The following DOCK3 variants were observed in gnomAD, a reference collection of about 807,000 sequenced individuals.
DOCK3 encodes the protein dedicator of cytokinesis protein 3.
A neutral mutation model predicts 265.6 loss-of-function variants in DOCK3; 60 were observed. The ratio of observed to expected loss-of-function variants is 0.23; its 90% CI spans 0.18 to 0.28. The LOEUF is 0.28. DOCK3 is among the 10% of genes least tolerant of loss of function. DOCK3 has a pLI of 1.00. For missense variants in DOCK3, 1,981 were observed against 2,594.3 expected (o/e 0.76, Z 5.14); for synonymous variants, 881 against 938.0 (o/e 0.94, Z 1.11).
Position 51,057,701 on chromosome 3 carries a change from G to A in DOCK3, c.316-6747G>A, listed in dbSNP as rs114043051. Among the ~76,000 whole-genome samples the A allele has an allele frequency of 2.3e-3, 351 of 152,274 alleles. 2 individuals carry two copies. The highest frequency in any genetic ancestry group is 8.0e-3 in the African/African-American group (334 of 41,544). On this transcript the variant is annotated intron_variant, in intron 5 of 52. Coordinates refer to ENST00000266037, the MANE Select transcript of DOCK3 (RefSeq NM_004947.5). ...GCTAACAAGCCCAAGAACACAGTGC[G>A]GTGTCGGAGCAATGTTGGTGGAGCC...
intron 5 of DOCK3, among the ~76,000 whole-genome samples, chr3:50,937,884 T>C (rs1366122868): frequency 6.6e-6 from 1 of 151,828 alleles, no homozygotes; most frequent in African/African-American, 2.4e-5. Flanking sequence ...AATACCAAAA[T>C]GGCAGACTTA....
intron 47 of DOCK3, among the ~76,000 whole-genome samples, chr3:51,360,900 TAGG>T (rs920543637): frequency 1.3e-5 from 2 of 152,034 alleles, no homozygotes; most frequent in Non-Finnish European, 2.9e-5. Context: ...TGCTAGGGGT[TAGG>T]AGGGTGATAG....
chr3:50,882,660 C>G (rs778190347), intron 3 of DOCK3, among the ~76,000 whole-genome samples: 33 of 152,206 alleles, frequency 2.2e-4, no homozygotes, highest in Non-Finnish European at 3.5e-4. Flanking sequence ...CACTTTTACA[C>G]TGTTGGTGGG....
intron 37 of DOCK3, 78 bp from the exon 38 acceptor site, chr3:51,341,157 CAT>C: frequency 6.8e-7 from 1 of 1,476,848 alleles, no homozygotes; most frequent in Non-Finnish European, 9.0e-7. Flanking sequence ...TTCTGCCCAG[CAT>C]AGTCCTCTGA....
At chr3:50,751,330 G>T (rs1340673460) in intron 1 of DOCK3, among the ~76,000 whole-genome samples, 1 of 151,186 alleles carries the variant, frequency 6.6e-6, no homozygotes, top group Non-Finnish European at 1.5e-5. Context: ...AGGTATACAT[G>T]TGCCATGGTG....
intron 9 of DOCK3, among the ~76,000 whole-genome samples, chr3:51,126,520 C>A (rs1217289968): frequency 6.6e-6 from 1 of 152,202 alleles, no homozygotes; most frequent in African/African-American, 2.4e-5. Context: ...AGCGTCCTCA[C>A]ATGGGCACAC....
chr3:51,015,234 T>G (rs2079105405), intron 5 of DOCK3, among the ~76,000 whole-genome samples: 1 of 152,092 alleles, frequency 6.6e-6, no homozygotes, highest in East Asian at 1.9e-4. Flanking sequence ...GGCTTTCAGA[T>G]TTTTCCTCAT....
intron 5 of DOCK3, among the ~76,000 whole-genome samples, chr3:51,029,590 T>A (rs2079963484): frequency 6.6e-6 from 1 of 152,222 alleles, no homozygotes; most frequent in Admixed American, 6.5e-5. Flanking sequence ...CTGAAGTGGT[T>A]GGTGCCACAC....
chr3:50,869,604 G>A (rs1312072109), intron 3 of DOCK3, among the ~76,000 whole-genome samples: 1 of 151,576 alleles, frequency 6.6e-6, no homozygotes, highest in African/African-American at 2.4e-5. Context: ...ACTCCTGAGA[G>A]CAAGTGATCC....
chr3:50,993,994 T>C (rs546256751), intron 5 of DOCK3, among the ~76,000 whole-genome samples: 118 of 151,924 alleles, frequency 7.8e-4, no homozygotes, highest in African/African-American at 2.7e-3. Context: ...AGAAAGTTGC[T>C]TTTTTTTAAT....
At chr3:51,199,038 A>G (rs1206388976) in intron 12 of DOCK3, among the ~76,000 whole-genome samples, 2 of 151,608 alleles carry the variant, frequency 1.3e-5, no homozygotes, top group Admixed American at 6.6e-5. Flanking sequence ...TCAATAAAAG[A>G]AAAAAAAAGA....
intron 1 of DOCK3, among the ~76,000 whole-genome samples, chr3:50,737,615 T>C (rs2038725922): frequency 6.6e-6 from 1 of 152,240 alleles, no homozygotes; most frequent in Non-Finnish European, 1.5e-5. Context: ...ATTTCATTCT[T>C]TTCTTTCTCC....
chr3:51,050,262 C>T (rs1316456847), intron 5 of DOCK3, among the ~76,000 whole-genome samples: 9 of 152,100 alleles, frequency 5.9e-5, no homozygotes, highest in Admixed American at 4.6e-4. Context: ...TTGTGCACAC[C>T]TGTAGTCCTA....
intron 2 of DOCK3, among the ~76,000 whole-genome samples, chr3:50,809,135 C>T (rs2043593232): frequency 6.6e-6 from 1 of 152,006 alleles, no homozygotes; most frequent in African/African-American, 2.4e-5. Context: ...TTTTCTTGTT[C>T]AAAAGATCGT....
intron 2 of DOCK3, among the ~76,000 whole-genome samples, chr3:50,821,144 T>TC (rs2044397054): frequency 8.4e-6 from 1 of 119,732 alleles, no homozygotes; most frequent in Non-Finnish European, 2.0e-5. Flanking sequence ...TTTTTTCTTT[T>TC]TTTTTTTTTT....
chr3:51,267,520 G>T (rs965290423), intron 23 of DOCK3, among the ~76,000 whole-genome samples: 2 of 151,874 alleles, frequency 1.3e-5, no homozygotes, highest in Non-Finnish European at 2.9e-5. Context: ...GACTAGCTGG[G>T]ATTACAGGCG....
In DOCK3 at chr3:50,675,467, C is replaced by A. The variant is rs1042616974; in HGVS notation, c.37+167C>A. 6.7e-6 allele frequency among the ~76,000 whole-genome samples: 1 copy of A among 149,502 alleles called. No homozygotes were observed. The highest frequency in any genetic ancestry group is 2.5e-5 in the African/African-American group (1 of 40,688). Reference sequence around the variant, plus strand: ...GCAGGTGCGGGTGCGGGTGCGGGTGCGGGGGTGGGCGCGGGTCTCTGTGCA... The same window carrying A: ...GCAGGTGCGGGTGCGGGTGCGGGTGAGGGGGTGGGCGCGGGTCTCTGTGCA... On this transcript the variant is annotated intron_variant, in intron 1 of 52. Transcript: ENST00000266037. The surrounding 1 kb of genome is among the most constrained non-coding windows in gnomAD (Gnocchi z 6.1).
intron 1 of DOCK3, among the ~76,000 whole-genome samples, chr3:50,732,241 C>T (rs546482172): frequency 6.6e-6 from 1 of 152,192 alleles, no homozygotes; most frequent in African/African-American, 2.4e-5. Flanking sequence ...GAACAACACA[C>T]ACTGGGGCCT....
intron 3 of DOCK3, chr3:50,877,726 T>G (rs2047782935): frequency 5.7e-6 from 2 of 349,052 alleles, no homozygotes; most frequent in Non-Finnish European, 1.1e-5. Context: ...CAGGCTGGAG[T>G]GCAGTGGCGT....
Sources: allele counts gnomAD v4.1 joint callset (sites outside exome capture counted in the v4.1 genomes callset), GRCh38; gene constraint gnomAD v4.1.1; non-coding constraint Gnocchi (gnomAD v3.1); transcripts MANE v1.5; gene names NCBI Gene and HGNC (gene_info 2026-07-23, HGNC 2026-07-21).